STAC: variants seen among roughly 807,000 people sequenced by gnomAD.
STAC encodes the protein SH3 and cysteine-rich domain-containing protein.
In STAC, 43 loss-of-function variants were observed where a neutral mutation model predicts 48.8. That is an observed-to-expected ratio of 0.88 (90% CI 0.69 to 1.14). STAC has a LOEUF of 1.14. STAC is among the 50% of genes most tolerant of loss of function. The pLI is 0.00. For missense variants in STAC, 497 were observed against 504.0 expected (o/e 0.99, Z 0.13); for synonymous variants, 193 against 179.5 (o/e 1.07, Z -0.60).
chr3:36,384,067 CACTA>C (rs1256373234), intron 1 of STAC, among the ~76,000 whole-genome samples: 5 of 152,148 alleles, frequency 3.3e-5, no homozygotes, highest in African/African-American at 4.8e-5. Flanking sequence ...TCTATCTTCC[CACTA>C]ACTATTTCAG....
intron 1 of STAC, among the ~76,000 whole-genome samples, chr3:36,435,404 A>T (rs574161398): frequency 6.6e-6 from 1 of 152,268 alleles, no homozygotes; most frequent in African/African-American, 2.4e-5. Context: ...TCCAATTTAA[A>T]GGCAACCCTT....
At chr3:36,493,010 TAGCCAAAC>T (rs1698032018) in intron 5 of STAC, 133 bp from the exon 6 acceptor site, 1 of 689,628 alleles carries the variant, frequency 1.5e-6, no homozygotes, top group African/African-American at 1.8e-5. Flanking sequence ...TCTCTGAAGT[TAGCCAAAC>T]AGCCAAGACA....
At chr3:36,528,008 C>T (rs1698976881) in intron 8 of STAC, among the ~76,000 whole-genome samples, 1 of 151,718 alleles carries the variant, frequency 6.6e-6, no homozygotes, top group Non-Finnish European at 1.5e-5. Context: ...GATGTCAATA[C>T]TAAACAAAAA....
chr3:36,523,100 T>C (rs533676151), intron 8 of STAC, among the ~76,000 whole-genome samples: 2 of 152,306 alleles, frequency 1.3e-5, no homozygotes, highest in East Asian at 1.9e-4. Flanking sequence ...AAAGCAACCA[T>C]TGGTTCTCAC....
At chr3:36,447,864 G>C (rs1696553914) in intron 2 of STAC, among the ~76,000 whole-genome samples, 2 of 152,114 alleles carry the variant, frequency 1.3e-5, no homozygotes, top group African/African-American at 4.8e-5. Flanking sequence ...TTTAGGAGGT[G>C]TACAGCTTGT....
At chr3:36,495,875 G>A (rs1698140574) in intron 6 of STAC, among the ~76,000 whole-genome samples, 1 of 152,220 alleles carries the variant, frequency 6.6e-6, no homozygotes, top group Non-Finnish European at 1.5e-5. Context: ...GTTAGAAATA[G>A]CAAGTTTCAG....
intron 8 of STAC, among the ~76,000 whole-genome samples, chr3:36,523,846 G>C (rs1278193583): frequency 6.6e-6 from 1 of 152,202 alleles, no homozygotes; most frequent in Non-Finnish European, 1.5e-5. Context: ...GTTTTCATTT[G>C]TTTCTTTGAT....
chr3:36,439,180 T>C (rs924276021), intron 1 of STAC, among the ~76,000 whole-genome samples: 9 of 152,204 alleles, frequency 5.9e-5, no homozygotes, highest in Non-Finnish European at 1.3e-4. Flanking sequence ...AGAATCTGTG[T>C]GACCTTAGGC....
intron 1 of STAC, among the ~76,000 whole-genome samples, chr3:36,438,564 G>A (rs901409850): frequency 6.6e-6 from 1 of 152,136 alleles, no homozygotes; most frequent in Admixed American, 6.5e-5. Context: ...TTAACTTGTA[G>A]GTATTTCTTT....
intron 1 of STAC, among the ~76,000 whole-genome samples, chr3:36,431,370 G>C (rs1464694284): frequency 6.6e-5 from 10 of 152,190 alleles, no homozygotes; most frequent in Admixed American, 6.5e-4. Flanking sequence ...AGAGTGGGGA[G>C]TGGCCACTGC....
intron 2 of STAC, among the ~76,000 whole-genome samples, chr3:36,475,108 C>G (rs752942931): frequency 2.0e-5 from 3 of 151,822 alleles, no homozygotes; most frequent in Non-Finnish European, 4.4e-5. Flanking sequence ...TTCAAATTAC[C>G]CTTTGTCTAT....
intron 10 of STAC, among the ~76,000 whole-genome samples, 160 bp from the exon 11 acceptor site, chr3:36,546,031 A>G (rs1384714107): frequency 6.7e-6 from 1 of 149,612 alleles, no homozygotes; most frequent in Non-Finnish European, 1.5e-5. Context: ...TTTTTTATCA[A>G]ACCTTTTTCT....
intron 8 of STAC, among the ~76,000 whole-genome samples, chr3:36,519,114 G>A (rs1036616227): frequency 6.6e-6 from 1 of 152,160 alleles, no homozygotes; most frequent in Non-Finnish European, 1.5e-5. Context: ...AAGCATAAGG[G>A]AATAATGGGG....
intron 8 of STAC, among the ~76,000 whole-genome samples, chr3:36,525,159 C>T (rs1575261759): frequency 6.6e-6 from 1 of 151,788 alleles, no homozygotes; most frequent in Non-Finnish European, 1.5e-5. Flanking sequence ...AAACCCAGTG[C>T]CTAGTAAGAT....
In STAC at chr3:36,505,830, A is replaced by G; in HGVS notation, c.916A>G (p.Met306Val). ...ACCACAGGAGAATGAAGATTTGGAA[A>G]TGAGGTAAAAACCTTCTGTAAAGAA... The part of the protein sequence containing the change: ...FVPQENEDLE[M>V]RPGDIITLLE... The change falls in exon 8 of 11, where the codon ATG becomes GTG. Residue 306 changes from methionine (M) to valine (V), a missense_variant. Coordinates refer to ENST00000273183, the MANE Select transcript of STAC (RefSeq NM_003149.3). 6.3e-7 allele frequency: 1 copy of G among 1,599,650 alleles called. No homozygotes were observed. The highest frequency in any genetic ancestry group is 2.2e-5 in the East Asian group (1 of 44,644).
At chr3:36,392,213 G>A (rs1274527658) in intron 1 of STAC, among the ~76,000 whole-genome samples, 1 of 152,122 alleles carries the variant, frequency 6.6e-6, no homozygotes, top group Admixed American at 6.5e-5. Context: ...CCAGCCCATC[G>A]TCCAACCTCC....
At chr3:36,403,490 A>T (rs1044028634) in intron 1 of STAC, among the ~76,000 whole-genome samples, 6 of 152,002 alleles carry the variant, frequency 3.9e-5, no homozygotes, top group African/African-American at 9.7e-5. Context: ...ATAGAAAAAA[A>T]TTTTAAAAAT....
intron 1 of STAC, among the ~76,000 whole-genome samples, chr3:36,441,635 G>A (rs1332332969): frequency 6.6e-6 from 1 of 152,158 alleles, no homozygotes; most frequent in Non-Finnish European, 1.5e-5. Flanking sequence ...TGAATCACAT[G>A]GTAGTTCTAT....
At chr3:36,511,354 G>A (rs190152228) in intron 8 of STAC, among the ~76,000 whole-genome samples, 83 of 152,230 alleles carry the variant, frequency 5.5e-4, no homozygotes, top group African/African-American at 1.9e-3. Flanking sequence ...ACTCAGCAAC[G>A]AGTACTTATC....
Sources: allele counts gnomAD v4.1 joint callset (sites outside exome capture counted in the v4.1 genomes callset), GRCh38; gene constraint gnomAD v4.1.1; transcripts MANE v1.5; gene names NCBI Gene and HGNC (gene_info 2026-07-23, HGNC 2026-07-21).